Variants in N4BP2L2 observed in about 807,000 individuals in gnomAD.
The protein encoded by N4BP2L2 is NEDD4-binding protein 2-like 2.
In N4BP2L2, 50 loss-of-function variants were observed where a neutral mutation model predicts 56.2. That is an observed-to-expected ratio of 0.89 (90% CI 0.71 to 1.13). The LOEUF (loss-of-function observed/expected upper bound fraction) is 1.13. Ranked by LOEUF, N4BP2L2 falls within the 50% of genes most tolerant of loss-of-function variation. N4BP2L2 has a pLI of 0.00. For synonymous variants in N4BP2L2, 203 were observed against 223.6 expected (o/e 0.91, Z 0.82); for missense variants, 689 against 693.8 (o/e 0.99, Z 0.08).
chr13:32,453,131 C>T (rs1250130093), intron 6 of N4BP2L2, among the ~76,000 whole-genome samples: 2 of 152,194 alleles, frequency 1.3e-5, no homozygotes, highest in East Asian at 1.9e-4. Context: ...TGGTGGTGGG[C>T]GCCTGTAGTC....
intron 9 of N4BP2L2, among the ~76,000 whole-genome samples, chr13:32,434,023 T>C (rs922903097): frequency 1.3e-5 from 2 of 151,858 alleles, no homozygotes; most frequent in Non-Finnish European, 2.9e-5. Context: ...TTCACTCTTA[T>C]TATGAATCTA....
At chr13:32,515,940 G>A (rs943474178) in exon 6 of N4BP2L2, 2 of 152,170 alleles carry the variant, frequency 1.3e-5, no homozygotes, top group African/African-American at 4.8e-5. Context: ...GTTTCACTGT[G>A]TCAGACAGGC....
exon 2 of N4BP2L2, chr13:32,536,032 A>G (rs1566196376): frequency 1.2e-6 from 2 of 1,614,008 alleles, no homozygotes; most frequent in South Asian, 2.2e-5. Context: ...CATTGTTCTG[A>G]TCAAAAGTCA....
In N4BP2L2 at chr13:32,443,943, C is replaced by T. The variant is rs778211312; in HGVS notation, c.549G>A (p.Lys183=). 9 of 1,597,790 alleles carry T rather than the reference C, an allele frequency of 5.6e-6. No individual in the cohort carries two copies. The South Asian group carries it at 6.8e-5, about 12-fold the overall frequency. Residue 183 remains lysine, a synonymous_variant, in exon 7 of 10, where the codon AAG becomes AAA. Transcript: ENST00000357505. ...AGGGATATTCTGATTCTCTTCTGGT[C>T]TTTTCAATGTCTTCCTCTTCACTCT...
chr13:32,439,025 T>C (rs2075864993), intron 7 of N4BP2L2, among the ~76,000 whole-genome samples: 1 of 152,250 alleles, frequency 6.6e-6, no homozygotes, highest in African/African-American at 2.4e-5. Flanking sequence ...AGCCTCTACT[T>C]ATGGTTTTCT....
exon 1 of N4BP2L2, chr13:32,538,654 A>G (rs766082553): frequency 2.6e-4 from 252 of 985,382 alleles, no homozygotes; most frequent in Non-Finnish European, 2.9e-4. Flanking sequence ...TTACCTCCCA[A>G]TAAAACCTTC....
At chr13:32,521,318 A>G in intron 5 of N4BP2L2, 55 bp downstream of exon 5, 1 of 1,300,796 alleles carries the variant, frequency 7.7e-7, no homozygotes, top group African/African-American at 1.5e-5. Context: ...GGATGTCAGA[A>G]TTCACAAAAG....
intron 1 of N4BP2L2, among the ~76,000 whole-genome samples, chr13:32,537,905 A>G (rs1467651795): frequency 6.6e-6 from 1 of 151,966 alleles, no homozygotes; most frequent in Admixed American, 6.6e-5. Flanking sequence ...CCGTCTCTTA[A>G]CAAAAATACA....
chr13:32,518,567 A>AAAAGGCAAAC (rs1255093845), intron 5 of N4BP2L2, among the ~76,000 whole-genome samples: 1 of 152,188 alleles, frequency 6.6e-6, no homozygotes, highest in Non-Finnish European at 1.5e-5. Context: ...AAGCTTTGAT[A>AAAAGGCAAAC]AAAGGCAAAA....
At chr13:32,459,575 C>G (rs191317494) in intron 6 of N4BP2L2, among the ~76,000 whole-genome samples, 9 of 151,978 alleles carry the variant, frequency 5.9e-5, no homozygotes. Context: ...AATATTGAAT[C>G]AAAAAGACAT....
At chr13:32,508,478 C>T (rs2091294923), downstream of N4BP2L2, 1 of 152,090 alleles carries the variant, frequency 6.6e-6, no homozygotes, top group African/African-American at 2.4e-5. Flanking sequence ...AATAAACAAA[C>T]GAGAGAGGAT....
chr13:32,536,516 T>G (rs775596036), exon 2 of N4BP2L2: 1 of 1,613,704 alleles, frequency 6.2e-7, no homozygotes, highest in African/African-American at 1.3e-5. Flanking sequence ...CTGGAATAAT[T>G]CATTGTCAAT....
intron 6 of N4BP2L2, among the ~76,000 whole-genome samples, chr13:32,501,678 G>A (rs1050418746): frequency 2.6e-5 from 4 of 152,008 alleles, no homozygotes; most frequent in Non-Finnish European, 5.9e-5. Flanking sequence ...AGCCGGGAGT[G>A]GTGGTGGGCA....
rs536694826 is a variant in N4BP2L2 at position 32,501,656 on chromosome 13, T to C, written c.365+16201A>G. On this transcript the variant is annotated intron_variant, in intron 6 of 9. Transcript: ENST00000357505. ...GGTGAAACCCCGTCTCTACTAAAAATACAAAAACATTAGCCGGGAGTGGTG... is the reference window on the plus strand; with the variant it reads ...GGTGAAACCCCGTCTCTACTAAAAACACAAAAACATTAGCCGGGAGTGGTG... Among the ~76,000 whole-genome samples, 71 of 151,902 alleles carry C rather than the reference T, an allele frequency of 4.7e-4. 1 individual carries two copies. Among genetic ancestry groups the C allele is most frequent in the Admixed American group, 2.2e-3 (33 of 15,254 alleles).
At chr13:32,501,056 C>T (rs754091807) in intron 6 of N4BP2L2, among the ~76,000 whole-genome samples, 2 of 152,000 alleles carry the variant, frequency 1.3e-5, no homozygotes, top group African/African-American at 2.4e-5. Flanking sequence ...TTAGTAAAGA[C>T]GAGGTTTCGC....
chr13:32,465,308 A>C (rs1466724918), intron 6 of N4BP2L2, among the ~76,000 whole-genome samples: 1 of 152,160 alleles, frequency 6.6e-6, no homozygotes, highest in African/African-American at 2.4e-5. Context: ...GGGGGTATAA[A>C]AAAGCACAAT....
chr13:32,473,834 G>C (rs1426561887), intron 6 of N4BP2L2, among the ~76,000 whole-genome samples: 1 of 152,204 alleles, frequency 6.6e-6, no homozygotes, highest in Middle Eastern at 3.4e-3. Context: ...ATAACACTGG[G>C]CCCACCAGAT....
At chr13:32,506,003 C>G (rs541527344), downstream of N4BP2L2, 2 of 152,290 alleles carry the variant, frequency 1.3e-5, no homozygotes, top group Non-Finnish European at 2.9e-5. Context: ...CCCACTTTCC[C>G]AATACCAAAA....
At chr13:32,521,152 GCA>G (rs1202670339) in intron 5 of N4BP2L2, among the ~76,000 whole-genome samples, 1 of 152,156 alleles carries the variant, frequency 6.6e-6, no homozygotes, top group Non-Finnish European at 1.5e-5. Flanking sequence ...CAACATGAAA[GCA>G]CAAAGTAAAA....
Sources: gnomAD v4.1 joint callset for allele counts (sites outside exome capture counted in the v4.1 genomes callset) on GRCh38, gnomAD v4.1.1 for gene constraint, MANE v1.5 for transcripts, NCBI Gene and HGNC (gene_info 2026-07-23, HGNC 2026-07-21) for gene names.